Variants in KCNQ5 observed in about 807,000 individuals in gnomAD.
The protein encoded by KCNQ5 is potassium voltage-gated channel subfamily KQT member 5.
Under a neutral mutation model 98.2 loss-of-function variants are expected in KCNQ5, and 30 were observed. The ratio of observed to expected loss-of-function variants is 0.31; its 90% CI spans 0.23 to 0.41. The LOEUF is 0.41. KCNQ5 is among the 10% of genes least tolerant of loss of function. The probability of loss-of-function intolerance (pLI) is 1.00; values close to 1 mark genes in which losing one functional copy is unlikely to be tolerated. For missense variants in KCNQ5, 835 were observed against 1,182.5 expected, an observed-to-expected ratio of 0.71 and a Z score of 4.31; for synonymous variants, 458 against 449.4, an observed-to-expected ratio of 1.02 and a Z score of -0.24.
intron 1 of KCNQ5, among the ~76,000 whole-genome samples, chr6:72,756,780 A>G (rs1422163321): frequency 6.6e-6 from 1 of 152,076 alleles, no homozygotes; most frequent in Non-Finnish European, 1.5e-5. Context: ...TAAGATTAAT[A>G]GTCAACTTAT....
intron 1 of KCNQ5, among the ~76,000 whole-genome samples, chr6:72,636,781 T>C (rs1309575551): frequency 2.6e-5 from 4 of 152,230 alleles, no homozygotes; most frequent in Admixed American, 2.6e-4. Context: ...TAGAAAGATA[T>C]TCATTTACTG....
intron 1 of KCNQ5, among the ~76,000 whole-genome samples, chr6:72,825,830 C>T (rs1775969515): frequency 6.6e-6 from 1 of 152,046 alleles, no homozygotes; most frequent in South Asian, 2.1e-4. Flanking sequence ...TGAATGAAAC[C>T]AGTCATTTAT....
chr6:72,973,847 C>T (rs991312286), intron 1 of KCNQ5, among the ~76,000 whole-genome samples: 2 of 152,176 alleles, frequency 1.3e-5, no homozygotes, highest in African/African-American at 2.4e-5. Flanking sequence ...TCTCTATCTG[C>T]CTTTATTTTT....
At position 72,917,280 on chromosome 6, in the gene KCNQ5, T is replaced by A. The variant is rs572199554; in HGVS notation, c.399-86628T>A. Among the ~76,000 whole-genome samples the A allele has an allele frequency of 2.5e-3, 386 of 152,296 alleles. 1 individual carries two copies. Among genetic ancestry groups the A allele is most frequent in the African/African-American group, 9.1e-3 (377 of 41,570 alleles). ...AAAATACCAATACTTATTTCACCCT[T>A]ACTTTCCCTTTTCTGTTGTAAATTT... is the stretch of plus-strand genomic sequence containing the variant. On this transcript the variant is annotated intron_variant, in intron 1 of 13. Coordinates refer to ENST00000370398, the MANE Select transcript of KCNQ5 (RefSeq NM_019842.4).
intron 1 of KCNQ5, among the ~76,000 whole-genome samples, chr6:72,989,659 A>G (rs1449621923): frequency 4.9e-3 from 1 of 206 alleles, no homozygotes; most frequent in Non-Finnish European, 9.3e-3. Context: ...TCTTTAGTTT[A>G]ATTAGATCCC....
chr6:73,170,566 C>CAA (rs11390332), intron 11 of KCNQ5, among the ~76,000 whole-genome samples: 1,599 of 136,714 alleles, frequency 0.012, 39 homozygotes, highest in African/African-American at 0.038. Flanking sequence ...AACTATATTG[C>CAA]AAAAAAAAAA....
At chr6:72,870,617 A>C (rs1219293258) in intron 1 of KCNQ5, among the ~76,000 whole-genome samples, 1 of 152,200 alleles carries the variant, frequency 6.6e-6, no homozygotes, top group African/African-American at 2.4e-5. Context: ...AAAATACAAT[A>C]AATTCGGCAT....
At position 72,770,418 on chromosome 6, in the gene KCNQ5, G is replaced by A. The variant is rs536966120; in HGVS notation, c.398+147831G>A. On this transcript the variant is annotated intron_variant, in intron 1 of 13. Transcript: ENST00000370398. ...CTTGACAAGTAAATTTATTTCAGGG[G>A]TTTGACAAGAATAAAATATAATGAA... 4.6e-5 allele frequency among the ~76,000 whole-genome samples: 7 copies of A among 152,098 alleles called. No homozygotes were observed. In the South Asian group the frequency reaches 8.3e-4, roughly 18 times the overall value.
intron 10 of KCNQ5, among the ~76,000 whole-genome samples, chr6:73,149,792 G>GAA (rs57061336): frequency 8.1e-5 from 8 of 98,242 alleles, no homozygotes; most frequent in Non-Finnish European, 1.0e-4. Context: ...GGGAGACTCC[G>GAA]AAAAAAAAAA....
chr6:72,959,455 T>G (rs1055017779), intron 1 of KCNQ5, among the ~76,000 whole-genome samples: 20 of 152,246 alleles, frequency 1.3e-4, no homozygotes, highest in African/African-American at 3.9e-4. Context: ...TTAGAAAACA[T>G]GTATGTATTG....
intron 11 of KCNQ5, among the ~76,000 whole-genome samples, chr6:73,173,907 T>C (rs1778110559): frequency 6.6e-6 from 1 of 152,198 alleles, no homozygotes; most frequent in African/African-American, 2.4e-5. Context: ...ATTGTATTTA[T>C]GTACTGAACA....
At chr6:72,721,087 A>G (rs1457782852) in intron 1 of KCNQ5, among the ~76,000 whole-genome samples, 1 of 152,176 alleles carries the variant, frequency 6.6e-6, no homozygotes, top group Non-Finnish European at 1.5e-5. Context: ...ATTTTCCATT[A>G]TTTCCATATT....
chr6:72,805,784 A>T (rs1187778719), intron 1 of KCNQ5, among the ~76,000 whole-genome samples: 1 of 152,246 alleles, frequency 6.6e-6, no homozygotes, highest in East Asian at 1.9e-4. Flanking sequence ...AACAGTATTG[A>T]TTCCCCACCT....
intron 5 of KCNQ5, among the ~76,000 whole-genome samples, chr6:73,091,403 A>G (rs1774241604): frequency 1.3e-5 from 2 of 152,114 alleles, no homozygotes; most frequent in South Asian, 4.1e-4. Context: ...ACAAACCAAT[A>G]TTGCACATGT....
chr6:72,644,668 G>C (rs975039232), intron 1 of KCNQ5, among the ~76,000 whole-genome samples: 1 of 152,076 alleles, frequency 6.6e-6, no homozygotes, highest in Non-Finnish European at 1.5e-5. Context: ...TATCTTTAGC[G>C]AATAGGGCTG....
intron 1 of KCNQ5, among the ~76,000 whole-genome samples, chr6:72,834,679 T>G (rs566639721): frequency 2.4e-4 from 37 of 152,300 alleles, no homozygotes; most frequent in African/African-American, 8.7e-4. Flanking sequence ...CTGTTGGCCT[T>G]CCTTCTTTTA....
intron 1 of KCNQ5, among the ~76,000 whole-genome samples, chr6:72,891,822 C>G (rs1421722125): frequency 6.6e-6 from 1 of 152,166 alleles, no homozygotes; most frequent in Admixed American, 6.5e-5. Context: ...ATCATCCATT[C>G]TCTATTTACC....
At chr6:72,979,850 G>A (rs1325853955) in intron 1 of KCNQ5, among the ~76,000 whole-genome samples, 1 of 152,162 alleles carries the variant, frequency 6.6e-6, no homozygotes, top group Non-Finnish European at 1.5e-5. Flanking sequence ...ATTAATTTTT[G>A]TATAAGGTGT....
chr6:72,735,955 A>C (rs1770807050), intron 1 of KCNQ5, among the ~76,000 whole-genome samples: 1 of 152,148 alleles, frequency 6.6e-6, no homozygotes, highest in Non-Finnish European at 1.5e-5. Flanking sequence ...TTATGGCAGA[A>C]TGTGTATAGC....
Sources: allele counts gnomAD v4.1 joint callset (sites outside exome capture counted in the v4.1 genomes callset), GRCh38; gene constraint gnomAD v4.1.1; transcripts MANE v1.5; gene names NCBI Gene and HGNC (gene_info 2026-07-23, HGNC 2026-07-21).